PDLIM5: variants seen among roughly 807,000 people sequenced by gnomAD.
PDLIM5 encodes the protein PDZ and LIM domain protein 5.
In PDLIM5, 34 loss-of-function variants were observed where a neutral mutation model predicts 64.2. The ratio of observed to expected loss-of-function variants is 0.53; its 90% confidence interval spans 0.40 to 0.71. The LOEUF (loss-of-function observed/expected upper bound fraction) is 0.71, where lower values mean the gene tolerates loss of function less well. Among genes scored for constraint, PDLIM5 ranks in the 30% least tolerant of loss-of-function variants. The pLI, the probability that PDLIM5 is intolerant of heterozygous loss-of-function variation, is 0.00. For missense variants in PDLIM5, 683 were observed against 733.6 expected (o/e 0.93, Z 0.80); for synonymous variants, 253 against 269.1 (o/e 0.94, Z 0.59).
At chr4:94,633,613 G>A (rs957096222) in intron 8 of PDLIM5, among the ~76,000 whole-genome samples, 1 of 152,144 alleles carries the variant, frequency 6.6e-6, no homozygotes, top group African/African-American at 2.4e-5. Context: ...TAATTCTGGT[G>A]CAGGAGTCAT....
At chr4:94,544,926 C>G (rs1732174805) in intron 3 of PDLIM5, among the ~76,000 whole-genome samples, 1 of 152,146 alleles carries the variant, frequency 6.6e-6, no homozygotes, top group Non-Finnish European at 1.5e-5. Context: ...CAATACCTTG[C>G]CATGGTTAAA....
chr4:94,508,899 T>C (rs1728627141), intron 2 of PDLIM5, among the ~76,000 whole-genome samples: 1 of 152,202 alleles, frequency 6.6e-6, no homozygotes, highest in Non-Finnish European at 1.5e-5. Context: ...ACACCTTTAA[T>C]TGCCTGCCAT....
intron 2 of PDLIM5, among the ~76,000 whole-genome samples, chr4:94,502,988 T>C (rs1728068211): frequency 1.3e-5 from 2 of 152,234 alleles, no homozygotes; most frequent in African/African-American, 4.8e-5. Flanking sequence ...AGCCATATAT[T>C]TTGCAGGGCG....
intron 3 of PDLIM5, among the ~76,000 whole-genome samples, chr4:94,568,797 A>G (rs1367948738): frequency 6.6e-6 from 1 of 152,222 alleles, no homozygotes; most frequent in Admixed American, 6.5e-5. Flanking sequence ...TATATAAAAC[A>G]CTTATTCTTA....
chr4:94,542,900 A>G (rs1306507515), intron 3 of PDLIM5, among the ~76,000 whole-genome samples: 1 of 152,204 alleles, frequency 6.6e-6, no homozygotes, highest in Non-Finnish European at 1.5e-5. Flanking sequence ...TTTAAAAAAT[A>G]TACTTACTGG....
chr4:94,666,099 C>G lies in PDLIM5; in HGVS notation c.*2032C>G, dbSNP rs1743069413. ...GGGCAAGGTGATTTTATAGTCGAGA[C>G]AGAGCCCTAGGTCCTTCCTGCCCCA... On this transcript the variant is annotated 3_prime_UTR_variant, in exon 13 of 13. Transcript: ENST00000317968. The G allele has an allele frequency of 7.7e-7, 1 of 1,303,854 alleles. No homozygotes were observed. The highest frequency in any genetic ancestry group is 1.5e-5 in the African/African-American group (1 of 68,446). 80.8% of individuals were successfully genotyped at this position (1,303,854 alleles called of 1,614,324 possible). A position where few individuals can be genotyped will look rare whatever the true frequency, so the allele number is the denominator to read the frequency against.
intron 9 of PDLIM5, among the ~76,000 whole-genome samples, chr4:94,649,512 T>C (rs892514260): frequency 1.3e-5 from 2 of 152,164 alleles, no homozygotes; most frequent in African/African-American, 4.8e-5. Context: ...CTTTAATATC[T>C]AACATGCCAT....
At chr4:94,511,972 T>C (rs1728921933) in intron 2 of PDLIM5, among the ~76,000 whole-genome samples, 1 of 147,578 alleles carries the variant, frequency 6.8e-6, no homozygotes, top group Admixed American at 6.7e-5. Flanking sequence ...ACTGACTTCC[T>C]GTCTTTTGAG....
At chr4:94,475,465 A>G (rs538346959) in intron 2 of PDLIM5, among the ~76,000 whole-genome samples, 7 of 152,344 alleles carry the variant, frequency 4.6e-5, no homozygotes, top group African/African-American at 1.7e-4. Context: ...CTTGAGTTTC[A>G]TGGTCAATGT....
chr4:94,542,283 G>A (rs113711853), intron 3 of PDLIM5, among the ~76,000 whole-genome samples: 8,332 of 146,956 alleles, frequency 0.057, 775 homozygotes, highest in African/African-American at 0.2. Context: ...TTGCACTCCA[G>A]CCTGGGGGAT....
At chr4:94,487,585 A>G (rs1018522772) in intron 2 of PDLIM5, among the ~76,000 whole-genome samples, 1 of 152,198 alleles carries the variant, frequency 6.6e-6, no homozygotes, top group Non-Finnish European at 1.5e-5. Context: ...TATACATCCG[A>G]AAAGTCGCTG....
chr4:94,650,234 A>T (rs1354101566), intron 9 of PDLIM5, among the ~76,000 whole-genome samples: 1 of 152,028 alleles, frequency 6.6e-6, no homozygotes, highest in African/African-American at 2.4e-5. Flanking sequence ...TTGTGAATGT[A>T]TTTATGTGCA....
intron 2 of PDLIM5, among the ~76,000 whole-genome samples, chr4:94,463,221 G>T (rs1560631497): frequency 2.0e-5 from 3 of 152,164 alleles, no homozygotes; most frequent in Admixed American, 6.5e-5. Flanking sequence ...AATCTGTTCA[G>T]TAGGCTGATA....
chr4:94,646,380 G>A (rs1741414302), intron 9 of PDLIM5, among the ~76,000 whole-genome samples: 1 of 152,166 alleles, frequency 6.6e-6, no homozygotes, highest in South Asian at 2.1e-4. Context: ...GGAGAAGATG[G>A]CCATCTATAC....
intron 3 of PDLIM5, among the ~76,000 whole-genome samples, chr4:94,538,278 T>C (rs1413774992): frequency 7.0e-6 from 1 of 143,308 alleles, no homozygotes; most frequent in Admixed American, 6.9e-5. Flanking sequence ...TTACAATGCA[T>C]GGTTAAGTTT....
intron 2 of PDLIM5, among the ~76,000 whole-genome samples, chr4:94,457,615 C>G (rs1307876495): frequency 6.6e-6 from 1 of 152,156 alleles, no homozygotes; most frequent in African/African-American, 2.4e-5. Context: ...ACTTAATTAT[C>G]ACTTTGTTGT....
At chr4:94,568,348 A>G (rs140728604) in intron 3 of PDLIM5, among the ~76,000 whole-genome samples, 1,623 of 152,354 alleles carry the variant, frequency 0.011, 11 homozygotes, top group South Asian at 0.035. Context: ...CTGGCCCTGT[A>G]TAATAAAATT....
Position 94,664,105 on chromosome 4 carries a change from G to A in PDLIM5, c.*38G>A. On this transcript the variant is annotated 3_prime_UTR_variant, in exon 13 of 13. Transcript: ENST00000317968. The stretch of plus-strand genomic sequence containing the variant: ...CAGGAGAAGAGAAGGAATTTGAAGA[G>A]AAAAAGGAAAATTAAAATTACTAAT... 6.9e-7 allele frequency: 1 copy of A among 1,456,860 alleles called. No individual in the cohort carries two copies. The highest frequency in any genetic ancestry group is 2.3e-5 in the Admixed American group (1 of 44,392). The allele number at this position is 1,456,860 out of a possible 1,614,324, so 90.2% of individuals were successfully genotyped here. A position where few individuals can be genotyped will look rare whatever the true frequency, so the allele number is the denominator to read the frequency against.
intron 2 of PDLIM5, among the ~76,000 whole-genome samples, chr4:94,509,637 A>G (rs1303986582): frequency 1.3e-5 from 2 of 152,196 alleles, no homozygotes; most frequent in African/African-American, 4.8e-5. Flanking sequence ...AACTCACGTG[A>G]TCACAAGGTC....
Sources: gnomAD v4.1 joint callset for allele counts (sites outside exome capture counted in the v4.1 genomes callset) on GRCh38, gnomAD v4.1.1 for gene constraint, MANE v1.5 for transcripts, NCBI Gene and HGNC (gene_info 2026-07-23, HGNC 2026-07-21) for gene names.